PCNX1: variants seen among roughly 807,000 people sequenced by gnomAD.
PCNX1 encodes the protein pecanex 1.
PCNX1 carries 78 observed loss-of-function variants against 242.2 expected under a neutral mutation model. The observed-to-expected ratio is 0.32, with a 90% confidence interval of 0.27 to 0.39. The LOEUF (loss-of-function observed/expected upper bound fraction) is 0.39. Ranked by LOEUF, PCNX1 falls within the 10% of genes least tolerant of loss-of-function variation. The probability of loss-of-function intolerance (pLI) is 1.00; values close to 1 mark genes in which losing one functional copy is unlikely to be tolerated. For synonymous variants in PCNX1, 1,024 were observed against 1,032.9 expected (o/e 0.99, Z 0.17); for missense variants, 2,581 against 2,856.5 (o/e 0.90, Z 2.20).
At chr14:71,004,553 C>T (rs1413456558) in intron 8 of PCNX1, among the ~76,000 whole-genome samples, 1 of 152,200 alleles carries the variant, frequency 6.6e-6, no homozygotes, top group Admixed American at 6.5e-5. Context: ...CTGAAACCGT[C>T]CTCCAATCCC....
Position 71,091,655 on chromosome 14 carries a change from C to T in PCNX1, c.5589+2313C>T, listed in dbSNP as rs187216031. ...TTATTATTTGCTACCATAAAACACA[C>T]AGAAATCTATTATAAAAAGTTAAAA... On this transcript the variant is annotated intron_variant, in intron 30 of 35. Coordinates refer to ENST00000304743, the MANE Select transcript of PCNX1 (RefSeq NM_014982.3). Among the ~76,000 whole-genome samples the T allele has an allele frequency of 3.5e-3, 527 of 152,238 alleles. 10 individuals carry two copies. The highest frequency in any genetic ancestry group is 8.8e-4 in the Non-Finnish European group (60 of 68,002).
At chr14:71,082,811 G>C (rs1311057999) in intron 28 of PCNX1, among the ~76,000 whole-genome samples, 1 of 152,080 alleles carries the variant, frequency 6.6e-6, no homozygotes, top group Non-Finnish European at 1.5e-5. Flanking sequence ...GTTTGCCAGT[G>C]TGTGTCTTTT....
chr14:70,966,908 T>C (rs151043862), intron 3 of PCNX1, among the ~76,000 whole-genome samples: 42 of 152,326 alleles, frequency 2.8e-4, no homozygotes, highest in African/African-American at 9.9e-4. Flanking sequence ...GATAAAATGC[T>C]TTTTGGTTTT....
intron 14 of PCNX1, 79 bp from the exon 15 acceptor site, chr14:71,026,693 T>A (rs2060251944): frequency 5.1e-6 from 3 of 587,318 alleles, no homozygotes; most frequent in East Asian, 3.1e-5. Flanking sequence ...TTGGGATTTT[T>A]AAAAATTATG....
chr14:71,016,965 G>C (rs2059976152), intron 11 of PCNX1, among the ~76,000 whole-genome samples: 1 of 151,922 alleles, frequency 6.6e-6, no homozygotes, highest in Admixed American at 6.6e-5. Context: ...ATAGCTAAAG[G>C]CTAAACCTTT....
At chr14:70,933,165 G>C (rs967252687) in intron 1 of PCNX1, among the ~76,000 whole-genome samples, 1 of 152,164 alleles carries the variant, frequency 6.6e-6, no homozygotes, top group African/African-American at 2.4e-5. Flanking sequence ...AATGTGCCTT[G>C]ATTTCATACA....
chr14:70,908,137 C>T, intron 1 of PCNX1, 134 bp downstream of exon 1: 2 of 762,296 alleles, frequency 2.6e-6, no homozygotes, highest in Non-Finnish European at 3.9e-6. Context: ...AGGCTCCCCG[C>T]CCCCACTGCG....
chr14:70,959,056 A>G (rs1182353525), intron 2 of PCNX1, among the ~76,000 whole-genome samples: 2 of 150,426 alleles, frequency 1.3e-5, no homozygotes, highest in African/African-American at 2.4e-5. Flanking sequence ...ACTATTGACT[A>G]CTTACTCTGT....
intron 16 of PCNX1, chr14:71,031,821 A>C: frequency 6.7e-7 from 1 of 1,489,224 alleles, no homozygotes; most frequent in South Asian, 1.1e-5. Context: ...CAGCGAGGAG[A>C]GGGATGGTGG....
intron 1 of PCNX1, among the ~76,000 whole-genome samples, chr14:70,911,819 T>G (rs537000161): frequency 3.1e-3 from 479 of 152,314 alleles, no homozygotes; most frequent in Non-Finnish European, 5.2e-3. Flanking sequence ...TGGAAGTGTT[T>G]CCTCTATAAT....
intron 8 of PCNX1, among the ~76,000 whole-genome samples, chr14:71,002,513 C>T (rs1246538223): frequency 6.6e-6 from 1 of 152,218 alleles, no homozygotes; most frequent in Non-Finnish European, 1.5e-5. Context: ...TGCCTTGTTG[C>T]AGTCCATCTC....
At chr14:71,076,492 C>A in intron 28 of PCNX1, 73 bp downstream of exon 28, 2 of 930,432 alleles carry the variant, frequency 2.1e-6, no homozygotes, top group South Asian at 1.4e-5. Context: ...CCTGTTAGTT[C>A]TTATGAGGTC....
At position 70,977,260 on chromosome 14, in the gene PCNX1, G is replaced by A. The variant is rs374671240; in HGVS notation, c.923G>A (p.Arg308His). The change falls in exon 6 of 36, where the codon CGT (arginine) becomes CAT (histidine). Residue 308 changes from arginine (R) to histidine (H), a missense_variant. This residue lies in a region of PCNX1 where 1,204 missense variants were observed against 1,216.7 expected (regional missense o/e 0.99). Coordinates refer to ENST00000304743, the MANE Select transcript of PCNX1 (RefSeq NM_014982.3). ...LNDFPLYQQRRGLDPVSELES... is the reference protein window; with the variant it reads ...LNDFPLYQQRHGLDPVSELES... ...GATTTTCCCCTTTATCAGCAAAGAC[G>A]TGGATTAGATCCAGTTAGTGAGTTA... 15 of 1,614,136 alleles carry A rather than the reference G, an allele frequency of 9.3e-6. No individual in the cohort carries two copies. The highest frequency in any genetic ancestry group is 1.6e-4 in the Middle Eastern group (1 of 6,062).
chr14:71,100,041 AGTGGGGTGTTT>A (rs1378707613), intron 30 of PCNX1, among the ~76,000 whole-genome samples: 14 of 151,870 alleles, frequency 9.2e-5, no homozygotes, highest in Non-Finnish European at 1.8e-4. Flanking sequence ...GTGTCTTTTA[AGTGGGGTGTTT>A]AGACCATTTA....
chr14:71,098,241 T>C (rs2062351883), intron 30 of PCNX1, among the ~76,000 whole-genome samples: 1 of 152,220 alleles, frequency 6.6e-6, no homozygotes, highest in South Asian at 2.1e-4. Context: ...TCTTTTTACT[T>C]ATAATTGTTT....
chr14:71,070,749 A>G (rs1265163505), intron 26 of PCNX1, among the ~76,000 whole-genome samples: 1 of 152,212 alleles, frequency 6.6e-6, no homozygotes, highest in East Asian at 1.9e-4. Context: ...CATAATTCTT[A>G]AAGGTTCTAG....
At chr14:70,941,545 G>A (rs2057244205) in intron 1 of PCNX1, among the ~76,000 whole-genome samples, 1 of 152,206 alleles carries the variant, frequency 6.6e-6, no homozygotes, top group South Asian at 2.1e-4. Context: ...ACCCGTACTG[G>A]GAGGTGTCTC....
chr14:71,022,914 G>A (rs2060143203), intron 12 of PCNX1, among the ~76,000 whole-genome samples: 1 of 151,966 alleles, frequency 6.6e-6, no homozygotes, highest in Admixed American at 6.6e-5. Flanking sequence ...CAGTAAGATG[G>A]CTCTGTCTAT....
rs536797214 is a variant in PCNX1 at position 71,052,152 on chromosome 14, T to C, written c.4577+140T>C. 1.6e-5 allele frequency: 10 copies of C among 627,594 alleles called. No individual in the cohort carries two copies. The African/African-American group carries it at 1.9e-4, about 12-fold the overall frequency. 38.9% of individuals were successfully genotyped at this position (627,594 alleles called of 1,614,324 possible). A position where few individuals can be genotyped will look rare whatever the true frequency, so the allele number is the denominator to read the frequency against. On this transcript the variant is annotated intron_variant, in intron 24 of 35. Transcript: ENST00000304743. ...TTTTGCTAAAACTTAATAAATAGTC[T>C]TAAAATTTGAAAAGTATATAAAAGA...
Sources: allele counts gnomAD v4.1 joint callset (sites outside exome capture counted in the v4.1 genomes callset), GRCh38; gene constraint gnomAD v4.1.1; regional missense constraint gnomAD v4.1.1; transcripts MANE v1.5; gene names NCBI Gene and HGNC (gene_info 2026-07-23, HGNC 2026-07-21).